The following SPDL1 variants were observed in gnomAD, a reference collection of about 807,000 sequenced individuals.
The protein encoded by SPDL1 is protein Spindly.
SPDL1 carries 85 observed loss-of-function variants against 79.5 expected under a neutral mutation model. The ratio of observed to expected loss-of-function variants is 1.07; its 90% CI spans 0.90 to 1.28. The LOEUF (loss-of-function observed/expected upper bound fraction) is 1.28. SPDL1 is among the 50% of genes most tolerant of loss of function. The probability of loss-of-function intolerance (pLI) is 0.00; values close to 1 mark genes in which losing one functional copy is unlikely to be tolerated. For missense variants in SPDL1, 703 were observed against 697.8 expected, an observed-to-expected ratio of 1.01 and a Z score of -0.08; for synonymous variants, 269 against 240.3, an observed-to-expected ratio of 1.12 and a Z score of -1.10.
In SPDL1 at chr5:169,598,555, T is replaced by G; in HGVS notation, c.1112T>G (p.Leu371Arg). 1 of 1,612,244 alleles carries G rather than the reference T, an allele frequency of 6.2e-7. No homozygotes were observed. Among genetic ancestry groups the G allele is most frequent in the South Asian group, 1.1e-5 (1 of 91,036 alleles). The change falls in exon 9 of 12, where the codon CTT becomes CGT. Residue 371 changes from leucine to arginine, a missense_variant. Transcript: ENST00000265295. ...LEDNTYYTDL[L>R]QMKLDNLNKE... ...GATAACACCTATTATACAGATTTAC[T>G]TCAGATGAAGCTGGATAACTTAAAG... is the stretch of plus-strand genomic sequence containing the variant.
intron 10 of SPDL1, among the ~76,000 whole-genome samples, chr5:169,599,970 C>G (rs1030259771): frequency 2.0e-5 from 3 of 152,122 alleles, no homozygotes; most frequent in Non-Finnish European, 4.4e-5. Context: ...TCTAGCAAGT[C>G]TAATGACTGA....
chr5:169,591,191 C>G lies in SPDL1; in HGVS notation c.303C>G (p.Ser101Arg). 1 of 1,613,778 alleles carries G rather than the reference C, an allele frequency of 6.2e-7. No individual in the cohort carries two copies. Among genetic ancestry groups the G allele is most frequent in the Non-Finnish European group, 8.5e-7 (1 of 1,179,896 alleles). The change falls in exon 3 of 12, where the codon AGC (serine) becomes AGG (arginine). Residue 101 changes from serine to arginine, a missense_variant. Transcript: ENST00000265295. ...AATTGGAAGAACAACTAAGCAGAAG[C>G]CATGGACAGGAAGTGAATGAACTAA... ...LEKLEEQLSR[S>R]HGQEVNELKT...
At chr5:169,593,215 A>T in intron 3 of SPDL1, 139 bp from the exon 4 acceptor site, 1 of 691,520 alleles carries the variant, frequency 1.4e-6, no homozygotes, top group Non-Finnish European at 2.4e-6. Flanking sequence ...ACTAGCTGTT[A>T]AAAGATGCCT....
chr5:169,594,316 C>T, intron 5 of SPDL1, 22 bp downstream of exon 5: 1 of 1,612,494 alleles, frequency 6.2e-7, no homozygotes, highest in Non-Finnish European at 8.5e-7. Flanking sequence ...ACAGTAACAT[C>T]ATGTTTTCCA....
At chr5:169,592,804 G>C (rs922814812) in intron 3 of SPDL1, among the ~76,000 whole-genome samples, 1 of 120,220 alleles carries the variant, frequency 8.3e-6, no homozygotes, top group Admixed American at 8.9e-5. Flanking sequence ...TATAGAGATG[G>C]CTTTTTTTTT....
chr5:169,599,421 G>T (rs527801048), intron 10 of SPDL1, among the ~76,000 whole-genome samples: 1 of 152,236 alleles, frequency 6.6e-6, no homozygotes, highest in South Asian at 2.1e-4. Context: ...TGAGATTTGA[G>T]ACTTTCCCAT....
chr5:169,602,849 A>G (rs1260373213), intron 11 of SPDL1, among the ~76,000 whole-genome samples: 1 of 152,240 alleles, frequency 6.6e-6, no homozygotes, highest in Non-Finnish European at 1.5e-5. Flanking sequence ...GAGTTCTGAA[A>G]TGAATCCAGC....
At chr5:169,597,060 AC>A (rs1446532559) in intron 8 of SPDL1, among the ~76,000 whole-genome samples, 2 of 151,932 alleles carry the variant, frequency 1.3e-5, no homozygotes, top group Non-Finnish European at 2.9e-5. Context: ...TGCTTTATTT[AC>A]TCTGATACTC....
In SPDL1 at chr5:169,588,497, T is replaced by C. The variant is rs1284433204; in HGVS notation, c.81T>C (p.Gly27=). ...EEERLKAAQY[G]LQLVESQNEL... Reference sequence around the variant, plus strand: ...AGCGACTAAAAGCTGCACAGTATGGTTTACAACTAGTAGAGAGTCAAAATG... The same window carrying C: ...AGCGACTAAAAGCTGCACAGTATGGCTTACAACTAGTAGAGAGTCAAAATG... The change falls in exon 2 of 12, where the codon GGT becomes GGC. Residue 27 remains glycine, a synonymous_variant. Coordinates refer to ENST00000265295, the MANE Select transcript of SPDL1 (RefSeq NM_017785.5). 1 of 1,613,864 alleles carries C rather than the reference T, an allele frequency of 6.2e-7. No individual in the cohort carries two copies. Among genetic ancestry groups the C allele is most frequent in the Admixed American group, 1.7e-5 (1 of 59,992 alleles).
At chr5:169,592,595 A>G (rs1035514265) in intron 3 of SPDL1, among the ~76,000 whole-genome samples, 2 of 152,152 alleles carry the variant, frequency 1.3e-5, no homozygotes, top group African/African-American at 4.8e-5. Flanking sequence ...CCTTCATGTA[A>G]TATATAATCA....
At chr5:169,592,233 T>TC in intron 3 of SPDL1, among the ~76,000 whole-genome samples, 1 of 148,166 alleles carries the variant, frequency 6.7e-6, no homozygotes, top group African/African-American at 2.5e-5. Context: ...TTTTTTTTTT[T>TC]TGAGGCAGAG....
Position 169,601,522 on chromosome 5 carries a change from G to A in SPDL1, c.1567G>A (p.Asp523Asn). The A allele has an allele frequency of 6.2e-7, 1 of 1,614,172 alleles. No individual in the cohort carries two copies. Among genetic ancestry groups the A allele is most frequent in the African/African-American group, 1.3e-5 (1 of 75,034 alleles). ...SLSPHKNLPV[D>N]MQLKKEKKCV... ...CTCTCCTCACAAAAATCTGCCCGTG[G>A]ATATGCAGCTGAAGAAGGAAAAGAA... The change falls in exon 11 of 12, where the codon GAT (aspartate) becomes AAT (asparagine). Residue 523 changes from aspartate to asparagine, a missense_variant. Physicochemically the swap from Asp to Asn is conservative, Grantham distance 23. Transcript: ENST00000265295.
At chr5:169,599,187 T>C (rs1755758778) in intron 10 of SPDL1, 28 bp downstream of exon 10, 1 of 1,308,364 alleles carries the variant, frequency 7.6e-7, no homozygotes, top group Non-Finnish European at 1.0e-6. Context: ...ATTTTTGTCT[T>C]TTAAATTATG....
At chr5:169,601,835 C>T (rs1489047906) in intron 11 of SPDL1, 1 of 650,460 alleles carries the variant, frequency 1.5e-6, no homozygotes, top group Non-Finnish European at 2.8e-6. Context: ...ATAAGGCAAT[C>T]ACATTAAAAA....
rs767871539 is a variant in SPDL1 at position 169,599,164 on chromosome 5, A to G, written c.1324+5A>G. 3.5e-6 allele frequency: 5 copies of G among 1,414,552 alleles called. No individual in the cohort carries two copies. The highest frequency in any genetic ancestry group is 4.8e-6 in the Non-Finnish European group (5 of 1,046,630). The allele number at this position is 1,414,552 out of a possible 1,614,324, so 87.6% of individuals were successfully genotyped here. A position where few individuals can be genotyped will look rare whatever the true frequency, so the allele number is the denominator to read the frequency against. ...AACTAAAATATGAACCTGAAGGTAT[A>G]TATGTCTCATATATTTTTGTCTTTT... On this transcript the variant is annotated splice_donor_5th_base_variant and intron_variant, in intron 10 of 11. Transcript: ENST00000265295.
intron 8 of SPDL1, 44 bp from the exon 9 acceptor site, chr5:169,598,432 A>G (rs1397912086): frequency 8.1e-7 from 1 of 1,233,550 alleles, no homozygotes; most frequent in Non-Finnish European, 1.2e-6. Flanking sequence ...CACTAACCTT[A>G]TTTGTTATTT....
At chr5:169,595,675 A>G (rs1755548461) in intron 7 of SPDL1, 1 of 152,006 alleles carries the variant, frequency 6.6e-6, no homozygotes, top group South Asian at 2.1e-4. Flanking sequence ...TTCTTTATAA[A>G]TTTTCTCACG....
In SPDL1 at chr5:169,593,531, G is replaced by A; in HGVS notation, c.514G>A (p.Glu172Lys). Residue 172 changes from glutamate to lysine, a missense_variant, in exon 4 of 12, where the codon GAA becomes AAA. By Grantham distance (56) the Glu-to-Lys change is moderately conservative. Coordinates refer to ENST00000265295, the MANE Select transcript of SPDL1 (RefSeq NM_017785.5). ...EMLALQIELTEMESMKTTLKE... is the reference protein window; with the variant it reads ...EMLALQIELTKMESMKTTLKE... Reference sequence around the variant, plus strand: ...GCTGGCTCTTCAAATTGAGCTGACAGAAATGGAGAGTATGAAGGTAATTTT... The same window carrying A: ...GCTGGCTCTTCAAATTGAGCTGACAAAAATGGAGAGTATGAAGGTAATTTT... 6.2e-7 allele frequency: 1 copy of A among 1,608,842 alleles called. No homozygotes were observed. Among genetic ancestry groups the A allele is most frequent in the Non-Finnish European group, 8.5e-7 (1 of 1,178,388 alleles).
chr5:169,599,426 T>G (rs1183646814), intron 10 of SPDL1, among the ~76,000 whole-genome samples: 1 of 152,244 alleles, frequency 6.6e-6, no homozygotes, highest in Non-Finnish European at 1.5e-5. Context: ...TTTGAGACTT[T>G]CCCATTTTAA....
Sources: gnomAD v4.1 joint callset for allele counts (sites outside exome capture counted in the v4.1 genomes callset) on GRCh38, gnomAD v4.1.1 for gene constraint, MANE v1.5 for transcripts, NCBI Gene and HGNC (gene_info 2026-07-23, HGNC 2026-07-21) for gene names.